The following ADAMTS20 variants were observed in gnomAD, a reference collection of about 807,000 sequenced individuals.
The protein encoded by ADAMTS20 is ADAM metallopeptidase with thrombospondin type 1 motif 20.
A neutral mutation model predicts 260.1 loss-of-function variants in ADAMTS20; 225 were observed. The ratio of observed to expected loss-of-function variants is 0.87; its 90% confidence interval spans 0.78 to 0.97. The LOEUF is 0.97. ADAMTS20 is among the 50% of genes least tolerant of loss of function. The pLI is 0.00. For synonymous variants in ADAMTS20, 802 were observed against 769.5 expected (o/e 1.04, Z -0.70); for missense variants, 2,400 against 2,337.7 (o/e 1.03, Z -0.55).
intron 2 of ADAMTS20, among the ~76,000 whole-genome samples, chr12:43,544,141 A>T (rs1211102675): frequency 6.6e-6 from 1 of 152,218 alleles, no homozygotes; most frequent in Non-Finnish European, 1.5e-5. Flanking sequence ...TGCAACAGAA[A>T]TAAAGCCACA....
At chr12:43,468,568 T>A in intron 8 of ADAMTS20, 32 bp downstream of exon 8, 1 of 1,279,870 alleles carries the variant, frequency 7.8e-7, no homozygotes, top group East Asian at 2.3e-5. Flanking sequence ...ATAAATAGAA[T>A]GCACATTAAG....
chr12:43,439,135 C>T (rs897366850), intron 18 of ADAMTS20, among the ~76,000 whole-genome samples: 2 of 152,296 alleles, frequency 1.3e-5, no homozygotes, highest in African/African-American at 4.8e-5. Context: ...TGCTCCTTTT[C>T]CCACTCTATT....
intron 3 of ADAMTS20, among the ~76,000 whole-genome samples, chr12:43,517,909 A>T (rs1240094875): frequency 1.3e-5 from 2 of 152,132 alleles, no homozygotes; most frequent in African/African-American, 2.4e-5. Context: ...CTAAGTTTTT[A>T]AAATTCCTTT....
rs994940248 is a variant in ADAMTS20 at position 43,369,797 on chromosome 12, C to A, written c.5447-416G>T. On this transcript the variant is annotated intron_variant, in intron 36 of 38. Transcript: ENST00000389420. ...CTTATAAACAGCACATACAAAAATT[C>A]ATTTAGGTAATTCAAAATCTCTCCA... 3.9e-5 allele frequency among the ~76,000 whole-genome samples: 6 copies of A among 152,194 alleles called. No homozygotes were observed. In the East Asian group the frequency reaches 1.2e-3, roughly 29 times the overall value.
At chr12:43,445,463 A>G (rs1284563585) in intron 15 of ADAMTS20, among the ~76,000 whole-genome samples, 1 of 152,208 alleles carries the variant, frequency 6.6e-6, no homozygotes, top group South Asian at 2.1e-4. Flanking sequence ...ATAAAAACAT[A>G]AATATTAAGT....
At chr12:43,516,250 G>GT (rs1942998523) in intron 3 of ADAMTS20, among the ~76,000 whole-genome samples, 1 of 152,082 alleles carries the variant, frequency 6.6e-6, no homozygotes, top group African/African-American at 2.4e-5. Context: ...TCCTTTTGCA[G>GT]TTTTCCCTTG....
intron 28 of ADAMTS20, among the ~76,000 whole-genome samples, chr12:43,417,450 C>T (rs1324165596): frequency 4.6e-5 from 7 of 152,174 alleles, no homozygotes; most frequent in African/African-American, 1.7e-4. Flanking sequence ...AAAGTACCTT[C>T]CTGGATATGT....
At chr12:43,408,220 A>C (rs1479399891) in intron 28 of ADAMTS20, among the ~76,000 whole-genome samples, 2 of 151,792 alleles carry the variant, frequency 1.3e-5, no homozygotes, top group Non-Finnish European at 2.9e-5. Flanking sequence ...CATTATAAAA[A>C]CTCCACTCCC....
intron 31 of ADAMTS20, among the ~76,000 whole-genome samples, chr12:43,383,172 T>C (rs1302539565): frequency 6.6e-6 from 1 of 152,196 alleles, no homozygotes; most frequent in Non-Finnish European, 1.5e-5. Flanking sequence ...AAAATGGTAC[T>C]GGTTTTATGG....
chr12:43,457,480 A>G (rs1941985333), intron 11 of ADAMTS20, among the ~76,000 whole-genome samples: 1 of 152,162 alleles, frequency 6.6e-6, no homozygotes, highest in South Asian at 2.1e-4. Context: ...CCAGACTCAT[A>G]TATATGCCTG....
At chr12:43,356,733 C>G in intron 37 of ADAMTS20, 145 bp from the exon 38 acceptor site, 2 of 558,958 alleles carry the variant, frequency 3.6e-6, no homozygotes, top group Non-Finnish European at 6.2e-6. Context: ...CTCTAGGACT[C>G]TATGATTCGA....
intron 7 of ADAMTS20, among the ~76,000 whole-genome samples, chr12:43,478,231 A>T (rs61926786): frequency 0.12 from 18,143 of 152,060 alleles, 1,240 homozygotes; most frequent in Admixed American, 0.21. Flanking sequence ...TATCTTTTAC[A>T]TTGAAAAATA....
rs781341989 is a variant in ADAMTS20, at chr12:43,427,359, C to T, written c.4056G>A (p.Gln1352=). The change falls in exon 27 of 39, where the codon CAG becomes CAA. Residue 1352 remains glutamine, a synonymous_variant. Transcript: ENST00000389420. ...CDAASKPPEL[Q]QCGPGPCPQW... ...GTGGACAAGGCCCTGGACCACATTG[C>T]TGTAACTCTGGAGGCTTGGAGGCTG... 7.4e-6 allele frequency: 12 copies of T among 1,613,898 alleles called. No individual in the cohort carries two copies. Among genetic ancestry groups the T allele is most frequent in the South Asian group, 2.2e-5 (2 of 91,082 alleles).
chr12:43,423,910 C>A, intron 28 of ADAMTS20: 1 of 721,736 alleles, frequency 1.4e-6, no homozygotes, highest in Non-Finnish European at 2.5e-6. Flanking sequence ...GCAGCAATTT[C>A]ACTTTAAGAT....
At chr12:43,375,273 G>A (rs1243348007) in intron 36 of ADAMTS20, 106 bp downstream of exon 36, 1 of 1,149,392 alleles carries the variant, frequency 8.7e-7, no homozygotes, top group Non-Finnish European at 1.2e-6. Context: ...TTTGCACAAT[G>A]TCAGGTCCTT....
At chr12:43,401,711 T>A (rs1302084808) in intron 28 of ADAMTS20, among the ~76,000 whole-genome samples, 1 of 147,854 alleles carries the variant, frequency 6.8e-6, no homozygotes, top group East Asian at 2.0e-4. Context: ...TCAATCTTTA[T>A]ATTTTATAAT....
chr12:43,423,940 G>A (rs541332771), intron 28 of ADAMTS20: 7 of 705,320 alleles, frequency 9.9e-6, no homozygotes, highest in South Asian at 5.9e-5. Context: ...AAGTTAAAAT[G>A]TTCTGTTGTT....
intron 21 of ADAMTS20, among the ~76,000 whole-genome samples, 179 bp from the exon 22 acceptor site, chr12:43,431,675 T>C (rs1941446233): frequency 6.6e-6 from 1 of 152,156 alleles, no homozygotes. Flanking sequence ...TAACTTCTGC[T>C]GCCCAAGTCC....
At chr12:43,423,292 C>A (rs992030986) in intron 28 of ADAMTS20, 2 of 160,764 alleles carry the variant, frequency 1.2e-5, no homozygotes, top group Non-Finnish European at 2.7e-5. Context: ...TCCAATAGAA[C>A]TTATTTTAAA....
Sources: allele counts gnomAD v4.1 joint callset (sites outside exome capture counted in the v4.1 genomes callset), GRCh38; gene constraint gnomAD v4.1.1; transcripts MANE v1.5; gene names NCBI Gene and HGNC (gene_info 2026-07-23, HGNC 2026-07-21).